Variants in COLEC10 observed in about 807,000 individuals in gnomAD.
The protein encoded by COLEC10 is collectin-10.
A neutral mutation model predicts 28.4 loss-of-function variants in COLEC10; 22 were observed. That is an observed-to-expected ratio of 0.78 (90% confidence interval 0.55 to 1.11). The LOEUF (loss-of-function observed/expected upper bound fraction) is 1.11. Among genes scored for constraint, COLEC10 ranks in the 50% least tolerant of loss-of-function variants. COLEC10 has a pLI of 0.00. For missense variants in COLEC10, 361 were observed against 344.1 expected, an observed-to-expected ratio of 1.05 and a Z score of -0.39; for synonymous variants, 125 against 116.1, an observed-to-expected ratio of 1.08 and a Z score of -0.49.
chr8:119,051,242 C>T (rs2130176464), intron 2 of COLEC10, among the ~76,000 whole-genome samples: 1 of 152,214 alleles, frequency 6.6e-6, no homozygotes, highest in South Asian at 2.1e-4. Context: ...TATTGCTTTT[C>T]CTAGATTACT....
intron 3 of COLEC10, 57 bp downstream of exon 3, chr8:119,091,277 C>T (rs371920811): frequency 2.4e-4 from 305 of 1,279,474 alleles, no homozygotes; most frequent in Non-Finnish European, 3.1e-4. Context: ...AGGCCGGGTA[C>T]GATGGCTCAC....
chr8:119,105,194 T>A (rs562014616), intron 5 of COLEC10, among the ~76,000 whole-genome samples: 1 of 152,254 alleles, frequency 6.6e-6, no homozygotes, highest in East Asian at 1.9e-4. Flanking sequence ...AAAGACATGG[T>A]CATTGTCCTT....
intron 1 of COLEC10, among the ~76,000 whole-genome samples, chr8:119,007,683 A>G (rs946347460): frequency 1.3e-5 from 2 of 151,070 alleles, no homozygotes; most frequent in East Asian, 1.9e-4. Flanking sequence ...TATGTTAGTA[A>G]TAGAACTTAG....
chr8:118,965,019 G>C, the COLEC10 span, among the ~76,000 whole-genome samples: 1 of 152,178 alleles, frequency 6.6e-6, no homozygotes, highest in African/African-American at 2.4e-5. Context: ...ACTTCATAGG[G>C]CATTGATGTC....
At chr8:118,968,923 A>C in the COLEC10 span, among the ~76,000 whole-genome samples, 1 of 151,952 alleles carries the variant, frequency 6.6e-6, no homozygotes, top group East Asian at 1.9e-4. Flanking sequence ...TTGAACAAAT[A>C]CTGTTCCCTC....
At chr8:118,983,902 C>A in the COLEC10 span, among the ~76,000 whole-genome samples, 1 of 152,092 alleles carries the variant, frequency 6.6e-6, no homozygotes, top group East Asian at 1.9e-4. Context: ...TAAATTAGTT[C>A]AGCCATTGTG....
intron 1 of COLEC10, among the ~76,000 whole-genome samples, chr8:119,075,058 T>C (rs986149889): frequency 6.6e-6 from 1 of 152,246 alleles, no homozygotes; most frequent in African/African-American, 2.4e-5. Flanking sequence ...AATGAGATTG[T>C]GTTTCCTGTT....
intron 1 of COLEC10, among the ~76,000 whole-genome samples, chr8:119,069,500 G>C (rs570435018): frequency 6.8e-6 from 1 of 147,424 alleles, no homozygotes; most frequent in Admixed American, 6.9e-5. Context: ...CCAGTTACTT[G>C]GACGTCTGAG....
At chr8:119,085,712 G>A (rs149291350) in intron 1 of COLEC10, among the ~76,000 whole-genome samples, 6 of 147,002 alleles carry the variant, frequency 4.1e-5, no homozygotes, top group East Asian at 2.1e-4. Flanking sequence ...TCTGCCTCCC[G>A]AGTTCAAGCG....
chr8:118,972,947 CA>C, the COLEC10 span, among the ~76,000 whole-genome samples: 1 of 151,928 alleles, frequency 6.6e-6, no homozygotes, highest in Non-Finnish European at 1.5e-5. Context: ...AAGTGCTGAG[CA>C]AAAGAGAAAA....
chr8:119,023,219 C>T (rs1054867559), intron 2 of COLEC10, among the ~76,000 whole-genome samples: 5 of 152,050 alleles, frequency 3.3e-5, no homozygotes, highest in African/African-American at 1.2e-4. Context: ...GTTTTATATT[C>T]CACAAAATTT....
At chr8:119,009,112 C>T (rs1222716095) in intron 1 of COLEC10, among the ~76,000 whole-genome samples, 8 of 150,892 alleles carry the variant, frequency 5.3e-5, no homozygotes, top group Admixed American at 2.0e-4. Context: ...AGATTCACTT[C>T]TATAAAACCC....
chr8:119,062,775 T>C (rs1814882277), upstream of COLEC10, among the ~76,000 whole-genome samples: 1 of 152,214 alleles, frequency 6.6e-6, no homozygotes, highest in Admixed American at 6.5e-5. Context: ...CCACTGTGCC[T>C]AGCCTTGATT....
chr8:119,010,310 T>C (rs10955922), intron 2 of COLEC10, among the ~76,000 whole-genome samples: 6,865 of 150,978 alleles, frequency 0.045, 440 homozygotes, highest in East Asian at 0.16. Context: ...ATATGCATTT[T>C]AGTTTCCTCC....
At chr8:119,013,336 G>A (rs1462437152) in intron 2 of COLEC10, among the ~76,000 whole-genome samples, 1 of 150,468 alleles carries the variant, frequency 6.6e-6, no homozygotes, top group African/African-American at 2.5e-5. Flanking sequence ...GACATTGTAT[G>A]ATTTCTGCTC....
At chr8:118,999,532 A>G (rs1813651764) in intron 1 of COLEC10, among the ~76,000 whole-genome samples, 3 of 151,608 alleles carry the variant, frequency 2.0e-5, no homozygotes, top group Admixed American at 2.0e-4. Flanking sequence ...CGGAGGTTGC[A>G]GTGAGCCGAG....
At chr8:119,013,731 T>C (rs763509692) in intron 2 of COLEC10, among the ~76,000 whole-genome samples, 1 of 150,732 alleles carries the variant, frequency 6.6e-6, no homozygotes, top group Non-Finnish European at 1.5e-5. Context: ...CCCCTCCTTT[T>C]TCCTAATTAC....
chr8:119,034,228 A>T (rs966108242), intron 2 of COLEC10, among the ~76,000 whole-genome samples: 1 of 151,618 alleles, frequency 6.6e-6, no homozygotes, highest in Non-Finnish European at 1.5e-5. Context: ...AACATCACAC[A>T]CTGGGACCTA....
the COLEC10 span, among the ~76,000 whole-genome samples, chr8:118,981,151 G>C: frequency 1.3e-5 from 2 of 151,888 alleles, no homozygotes; most frequent in Non-Finnish European, 2.9e-5. Flanking sequence ...CTCTTCTGTG[G>C]GTTCCGCCTC....
Sources: allele counts gnomAD v4.1 joint callset (sites outside exome capture counted in the v4.1 genomes callset), GRCh38; gene constraint gnomAD v4.1.1; transcripts MANE v1.5; gene names NCBI Gene and HGNC (gene_info 2026-07-23, HGNC 2026-07-21).